The following ATP2B4 variants were observed in gnomAD, a reference collection of about 807,000 sequenced individuals.
ATP2B4 encodes plasma membrane calcium-transporting ATPase 4.
ATP2B4 carries 39 observed loss-of-function variants against 110.3 expected under a neutral mutation model. The ratio of observed to expected loss-of-function variants is 0.35; its 90% CI spans 0.27 to 0.46. ATP2B4 has a LOEUF of 0.46. Among genes scored for constraint, ATP2B4 ranks in the 20% least tolerant of loss-of-function variants. The pLI is 1.00. For missense variants in ATP2B4, 1,135 were observed against 1,530.9 expected (o/e 0.74, Z 4.32); for synonymous variants, 538 against 571.7 (o/e 0.94, Z 0.84).
chr1:203,661,998 T>C (rs1664351356), intron 1 of ATP2B4, among the ~76,000 whole-genome samples: 1 of 152,116 alleles, frequency 6.6e-6, no homozygotes, highest in African/African-American at 2.4e-5. Context: ...TTTACTGTGA[T>C]AAAATATACA....
intron 19 of ATP2B4, among the ~76,000 whole-genome samples, chr1:203,726,931 C>G (rs750038030): frequency 6.6e-6 from 1 of 152,206 alleles, no homozygotes; most frequent in Non-Finnish European, 1.5e-5. Flanking sequence ...AGGGGTCATT[C>G]ATTTCCAATA....
intron 1 of ATP2B4, among the ~76,000 whole-genome samples, chr1:203,637,360 G>C (rs527571826): frequency 4.9e-4 from 75 of 151,800 alleles, no homozygotes; most frequent in African/African-American, 1.8e-3. Context: ...GAACCCCCGG[G>C]GGGGGGCGGA....
intron 7 of ATP2B4, among the ~76,000 whole-genome samples, chr1:203,703,164 C>CGAGAGAGA (rs144760902): frequency 2.3e-3 from 328 of 145,238 alleles, no homozygotes; most frequent in African/African-American, 6.5e-3. Context: ...CCCTGACAAT[C>CGAGAGAGA]GAGAGAGAGA....
intron 10 of ATP2B4, 111 bp from the exon 11 acceptor site, chr1:203,709,190 T>G: frequency 7.4e-5 from 102 of 1,386,652 alleles, no homozygotes; most frequent in Non-Finnish European, 9.1e-5. Context: ...ATTTCCCCTA[T>G]GAGCTCCAGG....
intron 19 of ATP2B4, among the ~76,000 whole-genome samples, chr1:203,726,588 T>C (rs12090675): frequency 0.13 from 20,420 of 152,128 alleles, 1,693 homozygotes; most frequent in South Asian, 0.26. Context: ...ACAACAGCTT[T>C]TTCCACATTC....
At position 203,710,897 on chromosome 1, in the gene ATP2B4, G is replaced by T. The variant is rs200815867; in HGVS notation, c.1820G>T (p.Arg607Leu). 5.6e-6 allele frequency: 9 copies of T among 1,613,408 alleles called. No individual in the cohort carries two copies. Among genetic ancestry groups the T allele is most frequent in the Non-Finnish European group, 7.6e-6 (9 of 1,179,732 alleles). Residue 607 changes from arginine to leucine, a missense_variant, in exon 12 of 21, where the codon CGG becomes CTG. Around this residue, in one of 9 missense-constraint regions of ATP2B4, gnomAD observed 368 missense variants for 455.9 expected, o/e 0.81. Transcript: ENST00000357681. Reference protein sequence around the residue: ...ILRKCNRILDRKGEAVPFKNK... With the variant: ...ILRKCNRILDLKGEAVPFKNK... ...CCCAGGTGTAATCGAATCCTGGACC[G>T]GAAAGGGGAAGCAGTGCCATTCAAG...
At chr1:203,630,543 C>T (rs995493970) in intron 1 of ATP2B4, among the ~76,000 whole-genome samples, 4 of 152,094 alleles carry the variant, frequency 2.6e-5, no homozygotes, top group Non-Finnish European at 4.4e-5. Context: ...TAGCCAAACC[C>T]CTAAAAAACT....
intron 20 of ATP2B4, among the ~76,000 whole-genome samples, chr1:203,735,373 G>C (rs1666853075): frequency 6.6e-6 from 1 of 152,222 alleles, no homozygotes; most frequent in Non-Finnish European, 1.5e-5. Context: ...AGAGGAGAGA[G>C]AAGGTAGCCA....
chr1:203,648,097 T>C (rs1663860587), intron 1 of ATP2B4, among the ~76,000 whole-genome samples: 1 of 152,148 alleles, frequency 6.6e-6, no homozygotes, highest in South Asian at 2.1e-4. Context: ...AAGCCCCCTG[T>C]AAATCTGTGA....
At chr1:203,719,224 C>CAAAAA (rs1666245062) in intron 15 of ATP2B4, among the ~76,000 whole-genome samples, 1 of 88,540 alleles carries the variant, frequency 1.1e-5, no homozygotes, top group African/African-American at 7.5e-5. Context: ...GACCCTGTCT[C>CAAAAA]GAAAAAAAAA....
intron 1 of ATP2B4, among the ~76,000 whole-genome samples, chr1:203,650,610 C>T (rs990520140): frequency 2.0e-5 from 3 of 152,138 alleles, no homozygotes; most frequent in Non-Finnish European, 2.9e-5. Flanking sequence ...GCGCAGAGGC[C>T]GGGGGAGCTG....
chr1:203,701,045 T>C (rs1441103868), intron 6 of ATP2B4, 122 bp downstream of exon 6: 1 of 1,305,412 alleles, frequency 7.7e-7, no homozygotes, highest in Non-Finnish European at 1.0e-6. Context: ...AGAAAGCAGA[T>C]ATCCAAACTC....
chr1:203,643,625 A>G (rs1440083949), intron 1 of ATP2B4, among the ~76,000 whole-genome samples: 2 of 152,198 alleles, frequency 1.3e-5, no homozygotes, highest in South Asian at 2.1e-4. Context: ...CCTGCTTCCT[A>G]TAGATCACTT....
intron 11 of ATP2B4, among the ~76,000 whole-genome samples, chr1:203,709,754 G>A (rs1665952980): frequency 6.6e-6 from 1 of 152,178 alleles, no homozygotes; most frequent in South Asian, 2.1e-4. Context: ...AGTAAGGTGG[G>A]TACTATGATT....
Position 203,739,797 on chromosome 1 carries a change from C to G in ATP2B4, c.3561C>G (p.Asn1187Lys), listed in dbSNP as rs369496741. The G allele has an allele frequency of 6.2e-7, 1 of 1,614,044 alleles. No individual in the cohort carries two copies. The highest frequency in any genetic ancestry group is 8.5e-7 in the Non-Finnish European group (1 of 1,180,034). ...CAAACAACAATGCGGTGGATTGCAA[C>G]CAAGTGCAGCTCCCCCAGTCGGACA... ...ANTNNNAVDC[N>K]QVQLPQSDSS... Residue 1187 changes from asparagine to lysine, a missense_variant, in exon 21 of 21, where the codon AAC (asparagine) becomes AAG (lysine). By Grantham distance (94) the Asn-to-Lys change is moderately conservative. Around this residue, in one of 9 missense-constraint regions of ATP2B4, gnomAD observed 92 missense variants for 82.5 expected, o/e 1.11. Transcript: ENST00000357681.
intron 1 of ATP2B4, among the ~76,000 whole-genome samples, chr1:203,630,578 C>T (rs1250285821): frequency 6.6e-6 from 1 of 152,152 alleles, no homozygotes; most frequent in Non-Finnish European, 1.5e-5. Flanking sequence ...AGATTAGCTC[C>T]AAGTGTTTGA....
chr1:203,655,508 T>C (rs1472821629), intron 1 of ATP2B4, among the ~76,000 whole-genome samples: 1 of 152,046 alleles, frequency 6.6e-6, no homozygotes, highest in African/African-American at 2.4e-5. Context: ...TAACCAGGTG[T>C]GGTGGTGCGT....
intron 20 of ATP2B4, among the ~76,000 whole-genome samples, chr1:203,730,439 A>C (rs1303581997): frequency 6.6e-6 from 1 of 152,102 alleles, no homozygotes; most frequent in Admixed American, 6.5e-5. Flanking sequence ...CCAAGTACCC[A>C]TAGAACCTGG....
chr1:203,742,185 A>G lies in ATP2B4; in HGVS notation c.*2331A>G, dbSNP rs1019656503. 2 of 152,668 alleles carry G rather than the reference A, an allele frequency of 1.3e-5. No individual in the cohort carries two copies. The highest frequency in any genetic ancestry group is 4.8e-5 in the African/African-American group (2 of 41,464). The allele number at this position is 152,668 out of a possible 1,614,324, so 9.5% of individuals were successfully genotyped here. A position where few individuals can be genotyped will look rare whatever the true frequency, so the allele number is the denominator to read the frequency against. On this transcript the variant is annotated 3_prime_UTR_variant, in exon 21 of 21. Transcript: ENST00000357681. ...AAAGGATTTAAAATAAAGTGCCGTCATGTAGCCCTGTGGAAGGGAGCACAT... is the reference window on the plus strand; with the variant it reads ...AAAGGATTTAAAATAAAGTGCCGTCGTGTAGCCCTGTGGAAGGGAGCACAT...
Sources: gnomAD v4.1 joint callset for allele counts (sites outside exome capture counted in the v4.1 genomes callset) on GRCh38, gnomAD v4.1.1 for gene constraint, gnomAD v4.1.1 regional missense constraint, MANE v1.5 for transcripts, NCBI Gene and HGNC (gene_info 2026-07-23, HGNC 2026-07-21) for gene names.